The following TOX variants were observed in gnomAD, a reference collection of about 807,000 sequenced individuals.
The protein encoded by TOX is thymocyte selection associated high mobility group box.
A neutral mutation model predicts 53.7 loss-of-function variants in TOX; 11 were observed. That is an observed-to-expected ratio of 0.20 (90% CI 0.13 to 0.34). The LOEUF is 0.34. Among genes scored for constraint, TOX ranks in the 10% least tolerant of loss-of-function variants. The pLI, the probability that TOX is intolerant of heterozygous loss-of-function variation, is 1.00. For missense variants in TOX, 570 were observed against 664.6 expected, an observed-to-expected ratio of 0.86 and a Z score of 1.56; for synonymous variants, 225 against 245.3, an observed-to-expected ratio of 0.92 and a Z score of 0.77.
At chr8:58,903,686 A>G (rs1811766301) in intron 3 of TOX, among the ~76,000 whole-genome samples, 2 of 152,196 alleles carry the variant, frequency 1.3e-5, no homozygotes, top group Admixed American at 1.3e-4. Flanking sequence ...CATGGTAAAT[A>G]TAGAATTTTT....
At chr8:58,855,046 C>T (rs1158199779) in intron 3 of TOX, among the ~76,000 whole-genome samples, 1 of 152,110 alleles carries the variant, frequency 6.6e-6, no homozygotes, top group East Asian at 1.9e-4. Context: ...AATATTATTT[C>T]CTGTTAATCA....
At chr8:59,006,085 C>A (rs1468853517) in intron 1 of TOX, among the ~76,000 whole-genome samples, 8 of 152,196 alleles carry the variant, frequency 5.3e-5, no homozygotes, top group Non-Finnish European at 7.3e-5. Context: ...GATGTCAGAT[C>A]TTCTAATGTT....
chr8:58,882,372 T>G (rs529155349), intron 3 of TOX, among the ~76,000 whole-genome samples: 1 of 152,228 alleles, frequency 6.6e-6, no homozygotes, highest in East Asian at 1.9e-4. Flanking sequence ...CAAACAACAA[T>G]AGGAAAATAG....
At chr8:58,957,552 T>C (rs1328897504) in intron 2 of TOX, among the ~76,000 whole-genome samples, 1 of 152,232 alleles carries the variant, frequency 6.6e-6, no homozygotes, top group East Asian at 1.9e-4. Context: ...TGTACTTCCA[T>C]TTCTGGAGCA....
intron 3 of TOX, among the ~76,000 whole-genome samples, chr8:58,889,661 C>A (rs1811529154): frequency 6.6e-6 from 1 of 152,064 alleles, no homozygotes; most frequent in Non-Finnish European, 1.5e-5. Flanking sequence ...GATGGACCTC[C>A]CGTAAGTGTC....
intron 3 of TOX, among the ~76,000 whole-genome samples, chr8:58,902,581 A>T (rs1024092720): frequency 6.6e-6 from 1 of 152,218 alleles, no homozygotes; most frequent in African/African-American, 2.4e-5. Context: ...ATTTGGCATC[A>T]TGGAACTTTT....
chr8:59,086,704 T>C (rs2129423528), intron 1 of TOX, among the ~76,000 whole-genome samples: 1 of 152,268 alleles, frequency 6.6e-6, no homozygotes, highest in Admixed American at 6.5e-5. Context: ...AATGAGCAAA[T>C]CTAAAAAATG....
intron 1 of TOX, among the ~76,000 whole-genome samples, chr8:58,972,270 G>C (rs888537586): frequency 6.6e-6 from 1 of 152,076 alleles, no homozygotes. Flanking sequence ...AGATTACCTA[G>C]GGAAACAGCT....
At chr8:58,887,822 T>C (rs1811496800) in intron 3 of TOX, among the ~76,000 whole-genome samples, 1 of 152,084 alleles carries the variant, frequency 6.6e-6, no homozygotes, top group African/African-American at 2.4e-5. Context: ...TTGATCAATG[T>C]TAAGTATTTA....
chr8:58,991,833 G>GT (rs1397708970), intron 1 of TOX: 1 of 152,370 alleles, frequency 6.6e-6, no homozygotes, highest in African/African-American at 2.4e-5. Flanking sequence ...TGGAGACAGC[G>GT]TATCTTGGGG....
At chr8:59,022,474 T>C (rs1267952461) in intron 1 of TOX, among the ~76,000 whole-genome samples, 1 of 152,172 alleles carries the variant, frequency 6.6e-6, no homozygotes, top group African/African-American at 2.4e-5. Flanking sequence ...CCTTCCCTAA[T>C]TCCACACAGC....
chr8:58,965,623 G>A (rs368339277), intron 1 of TOX, among the ~76,000 whole-genome samples: 1 of 152,002 alleles, frequency 6.6e-6, no homozygotes, highest in Admixed American at 6.6e-5. Flanking sequence ...CTGCTGAGGG[G>A]GAAAAACAGC....
intron 4 of TOX, among the ~76,000 whole-genome samples, chr8:58,842,963 C>T (rs1810669591): frequency 6.6e-6 from 1 of 152,168 alleles, no homozygotes. Context: ...CTTCTGCCTC[C>T]ACATTTTCAA....
intron 1 of TOX, among the ~76,000 whole-genome samples, chr8:59,098,872 C>G (rs1173141251): frequency 2.6e-5 from 4 of 152,068 alleles, no homozygotes; most frequent in African/African-American, 9.7e-5. Context: ...TTATCCTTTG[C>G]TACTTTAATA....
chr8:59,097,653 A>G (rs1804735081), intron 1 of TOX, among the ~76,000 whole-genome samples: 1 of 152,220 alleles, frequency 6.6e-6, no homozygotes, highest in South Asian at 2.1e-4. Context: ...AAATAACTCA[A>G]CAGTTAACAC....
At chr8:58,944,288 G>T (rs1812490826) in intron 2 of TOX, among the ~76,000 whole-genome samples, 1 of 152,120 alleles carries the variant, frequency 6.6e-6, no homozygotes, top group Non-Finnish European at 1.5e-5. Flanking sequence ...GAAAATAGAT[G>T]AACTTTTCAA....
intron 3 of TOX, among the ~76,000 whole-genome samples, chr8:58,915,263 A>G (rs1348672877): frequency 7.1e-6 from 1 of 141,410 alleles, no homozygotes; most frequent in Non-Finnish European, 1.5e-5. Context: ...ACAGACAAAC[A>G]AAAAGACAGC....
chr8:59,026,344 G>T (rs1036426761), intron 1 of TOX, among the ~76,000 whole-genome samples: 21 of 152,094 alleles, frequency 1.4e-4, no homozygotes, highest in African/African-American at 5.1e-4. Flanking sequence ...GGCCTGAGAG[G>T]AATGTGTAAG....
rs59469169 is a variant in TOX at position 58,893,217 on chromosome 8, C to CCA, written c.412-41413_412-41412insTG. On this transcript the variant is annotated intron_variant, in intron 3 of 8. Coordinates refer to ENST00000361421, the MANE Select transcript of TOX (RefSeq NM_014729.3). ...CAGATTACATCCATAATCTCCCCCC[C>CCA]ACAAAACACAGACAAACATACTCCT... is the stretch of plus-strand genomic sequence containing the variant. Among the ~76,000 whole-genome samples, 566 of 152,052 alleles carry CCA rather than the reference C, an allele frequency of 3.7e-3. 4 individuals carry two copies. Among genetic ancestry groups the CCA allele is most frequent in the African/African-American group, 0.013 (544 of 41,474 alleles).
Sources: allele counts gnomAD v4.1 joint callset (sites outside exome capture counted in the v4.1 genomes callset), GRCh38; gene constraint gnomAD v4.1.1; transcripts MANE v1.5; gene names NCBI Gene and HGNC (gene_info 2026-07-23, HGNC 2026-07-21).